PCCA: variants seen among roughly 807,000 people sequenced by gnomAD.
PCCA encodes the protein propionyl-CoA carboxylase subunit alpha.
PCCA carries 74 observed loss-of-function variants against 101.3 expected under a neutral mutation model. The observed-to-expected ratio is 0.73, with a 90% CI of 0.61 to 0.89. PCCA has a LOEUF of 0.89. Among genes scored for constraint, PCCA ranks in the 40% least tolerant of loss-of-function variants. The pLI is 0.00. For missense variants in PCCA, 891 were observed against 907.0 expected (o/e 0.98, Z 0.23); for synonymous variants, 294 against 313.6 (o/e 0.94, Z 0.66).
intron 19 of PCCA, among the ~76,000 whole-genome samples, chr13:100,387,398 A>G (rs182804069): frequency 4.9e-4 from 75 of 152,322 alleles, no homozygotes; most frequent in African/African-American, 1.7e-3. Context: ...GTGTAAAGGT[A>G]GTTCACTCCA....
At chr13:100,370,999 T>G (rs141097672) in intron 19 of PCCA, among the ~76,000 whole-genome samples, 1 of 152,280 alleles carries the variant, frequency 6.6e-6, no homozygotes, top group Non-Finnish European at 1.5e-5. Context: ...TGTTTAATTT[T>G]TAGGAGTTTA....
intron 19 of PCCA, among the ~76,000 whole-genome samples, chr13:100,379,967 C>T (rs1289016176): frequency 6.6e-6 from 1 of 152,032 alleles, no homozygotes; most frequent in Non-Finnish European, 1.5e-5. Context: ...CAGAAATTGA[C>T]AAGCTGATCC....
intron 16 of PCCA, among the ~76,000 whole-genome samples, chr13:100,318,495 T>C (rs866520868): frequency 5.6e-5 from 6 of 107,100 alleles, no homozygotes; most frequent in Middle Eastern, 0.011. Flanking sequence ...CCCCACCCCA[T>C]GACAGGCCCT....
In PCCA at chr13:100,526,570, C is replaced by T. The variant is rs191066852; in HGVS notation, c.2041-1105C>T. Among the ~76,000 whole-genome samples, 479 of 152,344 alleles carry T rather than the reference C, an allele frequency of 3.1e-3. 4 individuals are homozygous for T. The highest frequency in any genetic ancestry group is 0.011 in the African/African-American group (458 of 41,588). ...ATTTCAGGAAAGAACATTCTCTAGG[C>T]GCTTCTGAGGCATTGGACGAATATG... On this transcript the variant is annotated intron_variant, in intron 22 of 23. Transcript: ENST00000376285.
intron 16 of PCCA, among the ~76,000 whole-genome samples, chr13:100,320,925 T>A (rs1209412154): frequency 6.6e-6 from 1 of 152,186 alleles, no homozygotes; most frequent in Non-Finnish European, 1.5e-5. Flanking sequence ...AATTTTTAAA[T>A]TTTTTGTAGA....
At chr13:100,257,529 A>G (rs551908532) in intron 8 of PCCA, 66 bp from the exon 9 acceptor site, 581 of 1,084,534 alleles carry the variant, frequency 5.4e-4, no homozygotes, top group Non-Finnish European at 6.6e-4. Context: ...CATGTGGTCA[A>G]TTGTCATGTT....
chr13:100,091,981 C>T (rs550156953), intron 1 of PCCA, among the ~76,000 whole-genome samples: 5 of 151,830 alleles, frequency 3.3e-5, no homozygotes, highest in Admixed American at 2.0e-4. Flanking sequence ...AGTGCAGTGG[C>T]GCGATCTCAG....
chr13:100,442,021 T>G (rs371659531), intron 20 of PCCA, among the ~76,000 whole-genome samples: 2 of 149,860 alleles, frequency 1.3e-5, no homozygotes, highest in African/African-American at 4.9e-5. Flanking sequence ...TGAGACAGAG[T>G]CTTGCTCTGT....
chr13:100,129,979 T>C (rs1235248314), intron 4 of PCCA, among the ~76,000 whole-genome samples: 1 of 152,242 alleles, frequency 6.6e-6, no homozygotes, highest in Non-Finnish European at 1.5e-5. Context: ...AGTTTTCCTT[T>C]CTGGGTTTTA....
chr13:100,305,699 G>C (rs2066389203), intron 14 of PCCA: 2 of 311,342 alleles, frequency 6.4e-6, no homozygotes, highest in Non-Finnish European at 1.3e-5. Flanking sequence ...GTGGGGAAAA[G>C]GTAGATTGTG....
At chr13:100,201,300 C>G (rs1334569165) in intron 6 of PCCA, among the ~76,000 whole-genome samples, 1 of 152,052 alleles carries the variant, frequency 6.6e-6, no homozygotes, top group African/African-American at 2.4e-5. Flanking sequence ...AGCTCATTCT[C>G]TAGTACAGGA....
intron 21 of PCCA, among the ~76,000 whole-genome samples, chr13:100,459,402 A>G (rs921496043): frequency 6.6e-6 from 1 of 152,212 alleles, no homozygotes; most frequent in African/African-American, 2.4e-5. Flanking sequence ...TATATTTTAC[A>G]AACAGAGCAT....
At chr13:100,444,623 A>G (rs1026763419) in intron 20 of PCCA, among the ~76,000 whole-genome samples, 3 of 151,648 alleles carry the variant, frequency 2.0e-5, no homozygotes, top group African/African-American at 7.3e-5. Context: ...TTGTATTTTT[A>G]GTAGAGATGG....
intron 4 of PCCA, among the ~76,000 whole-genome samples, chr13:100,139,632 T>G (rs1181353034): frequency 6.6e-6 from 1 of 152,152 alleles, no homozygotes; most frequent in Non-Finnish European, 1.5e-5. Flanking sequence ...TCCATTTGTT[T>G]CAAGAGTGTT....
intron 19 of PCCA, among the ~76,000 whole-genome samples, chr13:100,391,175 G>A (rs770060237): frequency 5.9e-4 from 89 of 152,090 alleles, no homozygotes; most frequent in Non-Finnish European, 8.2e-4. Context: ...ACGCCACCAC[G>A]CCCAGCTAAT....
chr13:100,327,360 C>T (rs2068809999), intron 16 of PCCA, among the ~76,000 whole-genome samples: 1 of 152,104 alleles, frequency 6.6e-6, no homozygotes, highest in African/African-American at 2.4e-5. Flanking sequence ...TTTAACTCAG[C>T]ATAATTATTT....
intron 7 of PCCA, among the ~76,000 whole-genome samples, chr13:100,232,456 C>G (rs1480945367): frequency 2.6e-5 from 4 of 151,540 alleles, no homozygotes; most frequent in Non-Finnish European, 4.4e-5. Context: ...TCATGGCTCA[C>G]TGCAGCTCTG....
At chr13:100,252,726 A>G (rs906107954) in intron 8 of PCCA, among the ~76,000 whole-genome samples, 4 of 152,176 alleles carry the variant, frequency 2.6e-5, no homozygotes, top group African/African-American at 9.7e-5. Context: ...CTAAGCTCCT[A>G]GAATCTTCCT....
chr13:100,504,239 G>A (rs837290), intron 21 of PCCA, among the ~76,000 whole-genome samples: 51,411 of 152,104 alleles, frequency 0.34, 9,266 homozygotes, highest in African/African-American at 0.46. Flanking sequence ...TCTGCCATGA[G>A]AAATTAGCAA....
Sources: gnomAD v4.1 joint callset for allele counts (sites outside exome capture counted in the v4.1 genomes callset) on GRCh38, gnomAD v4.1.1 for gene constraint, MANE v1.5 for transcripts, NCBI Gene and HGNC (gene_info 2026-07-23, HGNC 2026-07-21) for gene names.